ST3GAL3: variants seen among roughly 807,000 people sequenced by gnomAD.
ST3GAL3 encodes the protein CMP-N-acetylneuraminate-beta-1,4-galactoside alpha-2,3-sialyltransferase.
ST3GAL3 carries 21 observed loss-of-function variants against 50.1 expected under a neutral mutation model. The observed-to-expected ratio is 0.42, with a 90% CI of 0.30 to 0.60. The LOEUF (loss-of-function observed/expected upper bound fraction) is 0.60. Among genes scored for constraint, ST3GAL3 ranks in the 20% least tolerant of loss-of-function variants. ST3GAL3 has a pLI of 0.19. For synonymous variants in ST3GAL3, 183 were observed against 190.0 expected (o/e 0.96, Z 0.30); for missense variants, 353 against 489.4 (o/e 0.72, Z 2.63).
At chr1:43,871,349 A>C (rs940898764) in intron 5 of ST3GAL3, among the ~76,000 whole-genome samples, 4 of 152,164 alleles carry the variant, frequency 2.6e-5, no homozygotes, top group Non-Finnish European at 5.9e-5. Context: ...AATGTGCTAC[A>C]TGAACCTTTG....
chr1:43,920,190 C>A, intron 9 of ST3GAL3: 1 of 615,092 alleles, frequency 1.6e-6, no homozygotes, highest in Non-Finnish European at 2.9e-6. Context: ...ACACTGGAGC[C>A]CCACCACACG....
intron 10 of ST3GAL3, 64 bp from the exon 11 acceptor site, chr1:43,920,718 C>T: frequency 1.9e-6 from 3 of 1,613,428 alleles, no homozygotes; most frequent in Non-Finnish European, 2.5e-6. Context: ...GCTGAAGTCT[C>T]AGCTGTCCCA....
At chr1:43,888,302 A>G (rs946051975) in intron 5 of ST3GAL3, among the ~76,000 whole-genome samples, 11 of 152,322 alleles carry the variant, frequency 7.2e-5, no homozygotes, top group African/African-American at 2.6e-4. Flanking sequence ...CTCAAACTCC[A>G]GAAGCAATAG....
chr1:43,928,536 G>A (rs1406390488), intron 11 of ST3GAL3, among the ~76,000 whole-genome samples: 1 of 151,932 alleles, frequency 6.6e-6, no homozygotes, highest in East Asian at 1.9e-4. Flanking sequence ...GGGGGCGGAG[G>A]TTGCAGTGAG....
intron 2 of ST3GAL3, among the ~76,000 whole-genome samples, chr1:43,762,531 G>T (rs950880189): frequency 3.9e-5 from 6 of 152,078 alleles, no homozygotes; most frequent in Non-Finnish European, 8.8e-5. Context: ...AAAAGTGTTG[G>T]GGGCCACAGT....
At chr1:43,725,214 CT>C (rs200024998) in intron 1 of ST3GAL3, among the ~76,000 whole-genome samples, 3 of 151,668 alleles carry the variant, frequency 2.0e-5, no homozygotes, top group Non-Finnish European at 4.4e-5. Context: ...TCTTTTCTTT[CT>C]TTTTTTTGAG....
intron 4 of ST3GAL3, among the ~76,000 whole-genome samples, chr1:43,821,059 C>T (rs2062027410): frequency 6.6e-6 from 1 of 152,162 alleles, no homozygotes; most frequent in Non-Finnish European, 1.5e-5. Context: ...GCAGATGTTT[C>T]TTGAGCACCA....
chr1:43,795,058 T>A (rs1028852626), intron 3 of ST3GAL3, among the ~76,000 whole-genome samples: 2 of 152,202 alleles, frequency 1.3e-5, no homozygotes, highest in Non-Finnish European at 2.9e-5. Context: ...CATTTTACAG[T>A]AACTCACTAG....
Position 43,918,119 on chromosome 1 carries a change from C to CTTTTT in ST3GAL3, c.745-2274_745-2270dup, listed in dbSNP as rs573834844. On this transcript the variant is annotated intron_variant, in intron 9 of 11. Transcript: ENST00000347631. ...TAGACATCTAAATTTTTTTCTTTCTCTTTTTTTTTTTTTTTAAGAGAGGGT... is the reference window on the plus strand; with the variant it reads ...TAGACATCTAAATTTTTTTCTTTCTCTTTTTTTTTTTTTTTTTTTTAAGAGAGGGT... 5.0e-4 allele frequency among the ~76,000 whole-genome samples: 67 copies of CTTTTT among 133,894 alleles called. 5 individuals carry two copies. Among genetic ancestry groups the CTTTTT allele is most frequent in the East Asian group, 2.1e-3 (10 of 4,702 alleles). 87.8% of individuals were successfully genotyped at this position (133,894 alleles called of 152,430 possible).
At chr1:43,788,995 A>C (rs2057710136) in intron 2 of ST3GAL3, among the ~76,000 whole-genome samples, 1 of 151,964 alleles carries the variant, frequency 6.6e-6, no homozygotes, top group African/African-American at 2.4e-5. Flanking sequence ...CAACGTCTGA[A>C]GACATGAAGG....
At chr1:43,790,701 G>A (rs572774190) in intron 2 of ST3GAL3, among the ~76,000 whole-genome samples, 291 of 150,160 alleles carry the variant, frequency 1.9e-3, no homozygotes, top group African/African-American at 6.4e-3. Flanking sequence ...GCATGATGTC[G>A]GCTCACTGCA....
chr1:43,768,132 AAG>A (rs765277138), intron 2 of ST3GAL3, among the ~76,000 whole-genome samples: 68 of 152,174 alleles, frequency 4.5e-4, no homozygotes, highest in Non-Finnish European at 7.9e-4. Flanking sequence ...TTTTTAAAAA[AAG>A]ATTAATAAAA....
At chr1:43,851,565 C>G (rs1191913535) in intron 5 of ST3GAL3, 1 of 1,543,384 alleles carries the variant, frequency 6.5e-7, no homozygotes, top group African/African-American at 1.4e-5. Flanking sequence ...AACTGCCCAG[C>G]TGGCGAAATT....
At chr1:43,767,493 G>A (rs920840008) in intron 2 of ST3GAL3, among the ~76,000 whole-genome samples, 1 of 152,086 alleles carries the variant, frequency 6.6e-6, no homozygotes, top group African/African-American at 2.4e-5. Flanking sequence ...CTCAACAAGT[G>A]TCAGAGGATT....
chr1:43,911,753 T>C (rs2080974273), intron 9 of ST3GAL3: 2 of 151,512 alleles, frequency 1.3e-5, no homozygotes, highest in African/African-American at 4.9e-5. Flanking sequence ...AGTGGTGCGA[T>C]CTTGGCTCAC....
chr1:43,813,771 A>G (rs2060849529), intron 3 of ST3GAL3, among the ~76,000 whole-genome samples: 1 of 151,914 alleles, frequency 6.6e-6, no homozygotes, highest in Non-Finnish European at 1.5e-5. Context: ...TTTTCCATCC[A>G]GTATTTTGGT....
intron 2 of ST3GAL3, among the ~76,000 whole-genome samples, chr1:43,786,993 C>T (rs2057426824): frequency 6.6e-6 from 1 of 152,208 alleles, no homozygotes; most frequent in Non-Finnish European, 1.5e-5. Context: ...AATTTGTGCT[C>T]TGGAAACTTG....
intron 5 of ST3GAL3, among the ~76,000 whole-genome samples, chr1:43,892,777 C>G (rs1456833418): frequency 6.6e-6 from 1 of 152,160 alleles, no homozygotes; most frequent in African/African-American, 2.4e-5. Flanking sequence ...CTGAGAGAAA[C>G]TTTCCAGAAA....
intron 2 of ST3GAL3, among the ~76,000 whole-genome samples, chr1:43,766,418 ATAAG>A (rs1692997731): frequency 6.6e-6 from 1 of 152,188 alleles, no homozygotes; most frequent in Admixed American, 6.5e-5. Flanking sequence ...TTAAAAAAAA[ATAAG>A]TAAATAAATA....
Sources: allele counts gnomAD v4.1 joint callset (sites outside exome capture counted in the v4.1 genomes callset), GRCh38; gene constraint gnomAD v4.1.1; transcripts MANE v1.5; gene names NCBI Gene and HGNC (gene_info 2026-07-23, HGNC 2026-07-21).